The following DNMBP variants were observed in gnomAD, a reference collection of about 807,000 sequenced individuals.
The protein encoded by DNMBP is dynamin-binding protein.
In DNMBP, 87 loss-of-function variants were observed where a neutral mutation model predicts 150.0. The observed-to-expected ratio is 0.58, with a 90% CI of 0.49 to 0.69. DNMBP has a LOEUF of 0.69. DNMBP is among the 30% of genes least tolerant of loss of function. DNMBP has a pLI of 0.00. For synonymous variants in DNMBP, 711 were observed against 750.4 expected (o/e 0.95, Z 0.86); for missense variants, 1,774 against 1,949.0 (o/e 0.91, Z 1.69).
chr10:99,947,780 G>A (rs1346960399), intron 4 of DNMBP, among the ~76,000 whole-genome samples: 1 of 151,988 alleles, frequency 6.6e-6, no homozygotes, highest in Non-Finnish European at 1.5e-5. Flanking sequence ...AAATATTTGT[G>A]GTATTTCTTT....
chr10:99,938,797 G>C (rs2040262312), intron 4 of DNMBP, among the ~76,000 whole-genome samples: 1 of 152,198 alleles, frequency 6.6e-6, no homozygotes, highest in African/African-American at 2.4e-5. Flanking sequence ...GAAAGAGGGA[G>C]GATGACTTTT....
At chr10:99,926,970 CA>C (rs1225494809) in intron 4 of DNMBP, 1 of 152,168 alleles carries the variant, frequency 6.6e-6, no homozygotes, top group Non-Finnish European at 1.5e-5. Context: ...TAGAGGTCCA[CA>C]CCCTAGGACT....
rs769222468 is a variant in DNMBP, at chr10:99,886,373, C to G, written c.3545G>C (p.Cys1182Ser). 6.2e-6 allele frequency: 10 copies of G among 1,614,022 alleles called. No individual in the cohort carries two copies. In the African/African-American group the frequency reaches 9.3e-5, roughly 15 times the overall value. Residue 1182 changes from cysteine to serine, a missense_variant, in exon 13 of 17, where the codon TGT becomes TCT. Physicochemically the swap from Cys to Ser is moderately radical, Grantham distance 112. Transcript: ENST00000324109. ...HQYAQGLFTN[C>S]VHGYAEAHCD... ...GTGGGCTTCAGCATAGCCGTGGACA[C>G]AGTTGGTGAAGAGGCCCTGGGCGTA...
At chr10:99,904,453 TG>T (rs1471821277) in intron 6 of DNMBP, among the ~76,000 whole-genome samples, 5 of 152,162 alleles carry the variant, frequency 3.3e-5, no homozygotes, top group Non-Finnish European at 7.3e-5. Flanking sequence ...ACCTGCCCTT[TG>T]CCCGTGGCTC....
At position 99,876,757 on chromosome 10, in the gene DNMBP, A is replaced by T. The variant is rs138926841; in HGVS notation, c.*394T>A. 2.3e-3 allele frequency: 358 copies of T among 158,142 alleles called. 3 individuals carry two copies. Among genetic ancestry groups the T allele is most frequent in the East Asian group, 0.021 (117 of 5,464 alleles). 9.8% of individuals were successfully genotyped at this position (158,142 alleles called of 1,614,324 possible). On this transcript the variant is annotated 3_prime_UTR_variant, in exon 17 of 17. Transcript: ENST00000324109. Reference sequence around the variant, plus strand: ...TGAGTTGGCATCCGGTCAGCTGAGCATGGAACATGGGGCCACCCCAAACGC... The same window carrying T: ...TGAGTTGGCATCCGGTCAGCTGAGCTTGGAACATGGGGCCACCCCAAACGC...
chr10:99,990,528 G>A (rs534316191), intron 1 of DNMBP, among the ~76,000 whole-genome samples: 75 of 150,696 alleles, frequency 5.0e-4, no homozygotes, highest in Non-Finnish European at 1.1e-3. Flanking sequence ...TCCGGCCTGG[G>A]TGACAAAGCC....
chr10:99,945,703 C>T lies in DNMBP; in HGVS notation c.2260+9511G>A, dbSNP rs535048700. ...CCCAGTAATGTTTGTCCAGTGTTTT[C>T]CACTGCTTAATATTTGCTATATAGT... is the stretch of plus-strand genomic sequence containing the variant. On this transcript the variant is annotated intron_variant, in intron 4 of 16. Coordinates refer to ENST00000324109, the MANE Select transcript of DNMBP (RefSeq NM_015221.4). 4.3e-4 allele frequency among the ~76,000 whole-genome samples: 65 copies of T among 152,262 alleles called. 2 individuals carry two copies. Among genetic ancestry groups the T allele is most frequent in the African/African-American group, 1.6e-3 (65 of 41,556 alleles).
chr10:99,920,322 G>A (rs951621267), intron 4 of DNMBP, among the ~76,000 whole-genome samples: 6 of 152,050 alleles, frequency 3.9e-5, no homozygotes, highest in South Asian at 4.1e-4. Flanking sequence ...TGATCCACTC[G>A]CCTCGGCCTC....
intron 14 of DNMBP, among the ~76,000 whole-genome samples, chr10:99,884,834 G>C (rs573595534): frequency 1.3e-5 from 2 of 152,088 alleles, no homozygotes; most frequent in South Asian, 4.1e-4. Context: ...ACCTGGGAGG[G>C]TGGAGGATGC....
Position 99,955,678 on chromosome 10 carries a change from T to C in DNMBP, c.1796A>G (p.Gln599Arg), listed in dbSNP as rs144390835. ...GGCCTTTCTCCTTTCCGGCAGCTCC[T>C]GCTCGGTGATTAACTTTGAGGAACC... ...VRGSSKLITE[Q>R]ELPERRKALR... The change falls in exon 4 of 17, where the codon CAG (glutamine) becomes CGG (arginine). Residue 599 changes from glutamine (Q) to arginine (R), a missense_variant. Transcript: ENST00000324109. The C allele has an allele frequency of 1.9e-6, 3 of 1,614,132 alleles. No homozygotes were observed. In the African/African-American group the frequency reaches 4.0e-5, roughly 22 times the overall value.
intron 4 of DNMBP, among the ~76,000 whole-genome samples, chr10:99,923,033 C>T (rs2040040892): frequency 6.6e-6 from 1 of 152,170 alleles, no homozygotes; most frequent in Non-Finnish European, 1.5e-5. Flanking sequence ...TCAGGCAGAT[C>T]ACCTGAGGTC....
chr10:99,879,919 T>A lies in DNMBP; in HGVS notation c.4440A>T (p.Pro1480=). 6.2e-7 allele frequency: 1 copy of A among 1,614,262 alleles called. No homozygotes were observed. ...GGTCTTGACTTTGCCCATTTCGTCCTGGTACGGAGTAGCCAACTATTTCTG... is the reference window on the plus strand; with the variant it reads ...GGTCTTGACTTTGCCCATTTCGTCCAGGTACGGAGTAGCCAACTATTTCTG... ...RHPEIVGYSV[P]GRNGQSQDLV... The change falls in exon 16 of 17, where the codon CCA becomes CCT. Residue 1480 remains proline (P), a synonymous_variant. Transcript: ENST00000324109.
intron 4 of DNMBP, among the ~76,000 whole-genome samples, chr10:99,927,471 G>T: frequency 6.6e-6 from 1 of 152,164 alleles, no homozygotes; most frequent in African/African-American, 2.4e-5. Flanking sequence ...GCTCCAAGAG[G>T]TTAAGTAATT....
At chr10:99,879,506 A>G (rs889907612) in intron 16 of DNMBP, among the ~76,000 whole-genome samples, 10 of 152,316 alleles carry the variant, frequency 6.6e-5, no homozygotes, top group Non-Finnish European at 1.5e-4. Flanking sequence ...AAACAAGTGG[A>G]TTAAATGGAT....
At position 99,981,339 on chromosome 10, in the gene DNMBP, ACCC is replaced by A. The variant is rs1219495897; in HGVS notation, c.-10-9208_-10-9206del. Among the ~76,000 whole-genome samples, 222 of 151,856 alleles carry A rather than the reference ACCC, an allele frequency of 1.5e-3. 1 individual carries two copies. The highest frequency in any genetic ancestry group is 5.0e-3 in the South Asian group (24 of 4,798). ...TGGGATTACAGGTATGCACCACCAC[ACCC>A]AGCTAATTTTTGTATTTCTAGTAGA... On this transcript the variant is annotated intron_variant, in intron 1 of 16. Coordinates refer to ENST00000324109, the MANE Select transcript of DNMBP (RefSeq NM_015221.4).
At chr10:99,911,511 A>G (rs2039898863) in intron 4 of DNMBP, among the ~76,000 whole-genome samples, 1 of 152,190 alleles carries the variant, frequency 6.6e-6, no homozygotes, top group South Asian at 2.1e-4. Context: ...CATACAAAAT[A>G]CACACTGAAG....
intron 4 of DNMBP, among the ~76,000 whole-genome samples, chr10:99,943,528 T>G (rs1306208624): frequency 1.3e-5 from 2 of 152,064 alleles, no homozygotes; most frequent in Non-Finnish European, 2.9e-5. Context: ...TCAGTCTCCC[T>G]AGTAGCTGGA....
chr10:99,885,345 C>A (rs972573944), intron 14 of DNMBP, among the ~76,000 whole-genome samples: 3 of 152,106 alleles, frequency 2.0e-5, no homozygotes, highest in Non-Finnish European at 4.4e-5. Context: ...CCCATCTCTA[C>A]TAAAAAATAG....
At chr10:99,937,515 T>C (rs1276433365) in intron 4 of DNMBP, among the ~76,000 whole-genome samples, 7 of 152,238 alleles carry the variant, frequency 4.6e-5, no homozygotes, top group Non-Finnish European at 1.0e-4. Context: ...CTGTTTGATT[T>C]CATGGCACTA....
Sources: allele counts gnomAD v4.1 joint callset (sites outside exome capture counted in the v4.1 genomes callset), GRCh38; gene constraint gnomAD v4.1.1; transcripts MANE v1.5; gene names NCBI Gene and HGNC (gene_info 2026-07-23, HGNC 2026-07-21).